FAM117B: variants seen among roughly 807,000 people sequenced by gnomAD.
FAM117B encodes the protein protein FAM117B.
In FAM117B, 22 loss-of-function variants were observed where a neutral mutation model predicts 52.8. That is an observed-to-expected ratio of 0.42 (90% CI 0.30 to 0.59). FAM117B has a LOEUF of 0.59. Among genes scored for constraint, FAM117B ranks in the 20% least tolerant of loss-of-function variants. The pLI is 0.22. For missense variants in FAM117B, 678 were observed against 802.6 expected (o/e 0.84, Z 1.88); for synonymous variants, 309 against 324.1 (o/e 0.95, Z 0.50).
At chr2:202,760,076 T>C (rs1000186517) in intron 7 of FAM117B, among the ~76,000 whole-genome samples, 10 of 152,262 alleles carry the variant, frequency 6.6e-5, no homozygotes, top group Non-Finnish European at 1.0e-4. Flanking sequence ...GATTAGATAA[T>C]AGCTAACATT....
intron 1 of FAM117B, among the ~76,000 whole-genome samples, chr2:202,662,148 ATG>A (rs1348928063): frequency 2.7e-5 from 4 of 150,868 alleles, no homozygotes; most frequent in Non-Finnish European, 3.0e-5. Context: ...GTATGTGTGT[ATG>A]TGTGTGTGTG....
At chr2:202,714,684 C>T (rs569651941) in intron 2 of FAM117B, among the ~76,000 whole-genome samples, 125 of 151,752 alleles carry the variant, frequency 8.2e-4, no homozygotes, top group African/African-American at 2.7e-3. Context: ...TGCGGCCTTC[C>T]GCAGTGTTTG....
intron 2 of FAM117B, among the ~76,000 whole-genome samples, chr2:202,705,436 G>C (rs1345569988): frequency 1.3e-5 from 2 of 152,154 alleles, no homozygotes; most frequent in Admixed American, 6.5e-5. Context: ...AGGTTTTACT[G>C]TACATGATTA....
In FAM117B at chr2:202,661,919, T is replaced by TAAA. The variant is rs201631446; in HGVS notation, c.601+26148_601+26150dup. On this transcript the variant is annotated intron_variant, in intron 1 of 7. Transcript: ENST00000392238. ...CTGGGCAACAGAGCAAGATTCCATC[T>TAAA]AAAAAAAAAAAAAAAAAAAGATCAA... Among the ~76,000 whole-genome samples, 877 of 88,668 alleles carry TAAA rather than the reference T, an allele frequency of 9.9e-3. 16 individuals are homozygous for TAAA. Among genetic ancestry groups the TAAA allele is most frequent in the African/African-American group, 0.032 (828 of 26,016 alleles). 58.2% of individuals were successfully genotyped at this position (88,668 alleles called of 152,430 possible). A position where few individuals can be genotyped will look rare whatever the true frequency, so the allele number is the denominator to read the frequency against.
intron 1 of FAM117B, among the ~76,000 whole-genome samples, chr2:202,637,493 G>C (rs1296169853): frequency 6.6e-6 from 1 of 152,142 alleles, no homozygotes; most frequent in Non-Finnish European, 1.5e-5. Context: ...CTGACCTTAT[G>C]TGATCTGCCC....
In FAM117B at chr2:202,640,295, A is replaced by ATAT. The variant is rs1559091986; in HGVS notation, c.601+4507_601+4508insTAT. Among the ~76,000 whole-genome samples, 341 of 51,300 alleles carry ATAT rather than the reference A, an allele frequency of 6.6e-3. 50 individuals are homozygous for ATAT. The highest frequency in any genetic ancestry group is 0.037 in the Middle Eastern group (3 of 82). The allele number at this position is 51,300 out of a possible 152,430, so 33.7% of individuals were successfully genotyped here. A position where few individuals can be genotyped will look rare whatever the true frequency, so the allele number is the denominator to read the frequency against. ...ACAACAACCACCACCACCACCACAA[A>ATAT]ATATATATATATATATATATATATA... On this transcript the variant is annotated intron_variant, in intron 1 of 7. Transcript: ENST00000392238.
intron 1 of FAM117B, among the ~76,000 whole-genome samples, chr2:202,665,710 C>T (rs749026387): frequency 2.8e-4 from 43 of 152,188 alleles, no homozygotes; most frequent in Non-Finnish European, 5.3e-4. Flanking sequence ...AAGCAATTCT[C>T]CTGCCTCAGC....
chr2:202,640,478 C>G (rs762742565), intron 1 of FAM117B, among the ~76,000 whole-genome samples: 5 of 151,268 alleles, frequency 3.3e-5, no homozygotes, highest in Non-Finnish European at 5.9e-5. Flanking sequence ...TAGGCAGAAT[C>G]AAGAAGCAAG....
intron 1 of FAM117B, among the ~76,000 whole-genome samples, chr2:202,649,535 GTTAT>G (rs150709878): frequency 0.081 from 12,313 of 151,902 alleles, 1,643 homozygotes; most frequent in African/African-American, 0.28. Context: ...GTAATGCTTT[GTTAT>G]TTATTTATTT....
At chr2:202,739,196 A>G (rs945775198) in intron 4 of FAM117B, among the ~76,000 whole-genome samples, 5 of 152,166 alleles carry the variant, frequency 3.3e-5, no homozygotes, top group Non-Finnish European at 7.3e-5. Flanking sequence ...TCTCAAAACA[A>G]CAACAACAAA....
chr2:202,674,974 C>T (rs959275542), intron 1 of FAM117B, among the ~76,000 whole-genome samples: 5 of 152,180 alleles, frequency 3.3e-5, no homozygotes, highest in Non-Finnish European at 7.3e-5. Context: ...GTGGCTCACA[C>T]TTGTAATCCC....
At chr2:202,653,115 A>G (rs1689980800) in intron 1 of FAM117B, among the ~76,000 whole-genome samples, 1 of 152,134 alleles carries the variant, frequency 6.6e-6, no homozygotes, top group Non-Finnish European at 1.5e-5. Context: ...AAAAAATTGA[A>G]AAATTAGCTA....
In FAM117B at chr2:202,638,312, G is replaced by A. The variant is rs189236615; in HGVS notation, c.601+2524G>A. Among the ~76,000 whole-genome samples, 133 of 152,340 alleles carry A rather than the reference G, an allele frequency of 8.7e-4. 1 individual carries two copies. The highest frequency in any genetic ancestry group is 7.1e-3 in the Admixed American group (109 of 15,294). ...AGTAGAGGTGGCAGAAGGAGGCACA[G>A]CCTGTAGTCTGATAACAGAATCTGG... On this transcript the variant is annotated intron_variant, in intron 1 of 7. Coordinates refer to ENST00000392238, the MANE Select transcript of FAM117B (RefSeq NM_173511.4).
At chr2:202,727,427 A>G (rs547471545) in intron 4 of FAM117B, among the ~76,000 whole-genome samples, 9 of 152,274 alleles carry the variant, frequency 5.9e-5, no homozygotes, top group Admixed American at 2.0e-4. Flanking sequence ...TTGACTCTCT[A>G]TATCTTCAGG....
chr2:202,640,284 C>A (rs1300621277), intron 1 of FAM117B, among the ~76,000 whole-genome samples: 1 of 109,534 alleles, frequency 9.1e-6, no homozygotes, highest in Non-Finnish European at 1.8e-5. Flanking sequence ...CAACCACCAC[C>A]ACCACCACAA....
Position 202,696,029 on chromosome 2 carries a change from A to G in FAM117B, c.750A>G (p.Thr250=), listed in dbSNP as rs370274706. The part of the protein sequence containing the change: ...QAAPCMRDKA[T]QTESAWAEEY... ...CACCTTGCATGAGGGACAAAGCTAC[A>G]CAGGTAAGCTTATTATAGTTCTTAT... is the stretch of plus-strand genomic sequence containing the variant. Residue 250 remains threonine (T), a synonymous_variant, in exon 2 of 8, where the codon ACA becomes ACG. Coordinates refer to ENST00000392238, the MANE Select transcript of FAM117B (RefSeq NM_173511.4). 3.7e-6 allele frequency: 6 copies of G among 1,613,586 alleles called. No individual in the cohort carries two copies. The highest frequency in any genetic ancestry group is 4.2e-6 in the Non-Finnish European group (5 of 1,179,862).
chr2:202,745,293 A>G (rs1049307558), intron 4 of FAM117B, among the ~76,000 whole-genome samples: 6 of 150,696 alleles, frequency 4.0e-5, no homozygotes, highest in Non-Finnish European at 8.8e-5. Context: ...AAAAAAAAAA[A>G]GGCAAAATAA....
rs1316289374 is a variant in FAM117B, at chr2:202,768,817, AAGAAATGGGTAGCATGTGTCTTTCAG to A, written c.*3059_*3084del. On this transcript the variant is annotated 3_prime_UTR_variant, in exon 8 of 8. Coordinates refer to ENST00000392238, the MANE Select transcript of FAM117B (RefSeq NM_173511.4). ...TAAAAATTTATTTCCATTGCATTAAAAGAAATGGGTAGCATGTGTCTTTCAGAGAAAGGAGCTATTTGGTTATTCAC... is the reference window on the plus strand; with the variant it reads ...TAAAAATTTATTTCCATTGCATTAAAAGAAAGGAGCTATTTGGTTATTCAC... The A allele has an allele frequency of 6.6e-6, 1 of 152,180 alleles. No homozygotes were observed. The highest frequency in any genetic ancestry group is 1.5e-5 in the Non-Finnish European group (1 of 68,016). 9.4% of individuals were successfully genotyped at this position (152,180 alleles called of 1,614,324 possible).
chr2:202,764,074 C>G (rs1691939902), intron 7 of FAM117B, among the ~76,000 whole-genome samples: 1 of 152,154 alleles, frequency 6.6e-6, no homozygotes, highest in Admixed American at 6.5e-5. Flanking sequence ...GATCCCTTCT[C>G]TGAATAATGT....
Sources: gnomAD v4.1 joint callset for allele counts (sites outside exome capture counted in the v4.1 genomes callset) on GRCh38, gnomAD v4.1.1 for gene constraint, MANE v1.5 for transcripts, NCBI Gene and HGNC (gene_info 2026-07-23, HGNC 2026-07-21) for gene names.